The following NMNAT3 variants were observed in gnomAD, a reference collection of about 807,000 sequenced individuals.
NMNAT3 encodes nicotinamide nucleotide adenylyltransferase 3.
NMNAT3 carries 21 observed loss-of-function variants against 24.8 expected under a neutral mutation model. The ratio of observed to expected loss-of-function variants is 0.85; its 90% CI spans 0.60 to 1.22. NMNAT3 has a LOEUF of 1.22. Ranked by LOEUF, NMNAT3 falls within the 50% of genes most tolerant of loss-of-function variation. NMNAT3 has a pLI of 0.00. For synonymous variants in NMNAT3, 136 were observed against 155.2 expected, an observed-to-expected ratio of 0.88 and a Z score of 0.92; for missense variants, 387 against 436.6, an observed-to-expected ratio of 0.89 and a Z score of 1.01.
At chr3:139,594,038 A>G (rs295467) in intron 3 of NMNAT3, among the ~76,000 whole-genome samples, 10,987 of 151,070 alleles carry the variant, frequency 0.073, 452 homozygotes, top group African/African-American at 0.098. Flanking sequence ...TTTTTTGAAA[A>G]GATCAACAAA....
chr3:139,575,293 A>G (rs1939129184), intron 5 of NMNAT3, among the ~76,000 whole-genome samples: 1 of 152,082 alleles, frequency 6.6e-6, no homozygotes, highest in Non-Finnish European at 1.5e-5. Context: ...CAGTGTTTTC[A>G]TTATCGTTTT....
In NMNAT3 at chr3:139,649,762, C is replaced by G. The variant is rs115849575; in HGVS notation, c.-140-11700G>C. Among the ~76,000 whole-genome samples, 447 of 152,260 alleles carry G rather than the reference C, an allele frequency of 2.9e-3. 6 individuals are homozygous for G. The highest frequency in any genetic ancestry group is 9.4e-3 in the African/African-American group (391 of 41,540). On this transcript the variant is annotated intron_variant, in intron 1 of 6. Coordinates refer to ENST00000643695, the MANE Select transcript of NMNAT3 (RefSeq NM_001320510.2). ...AGTGCACCCCAAAACACACCCAAAC[C>G]ACGCTTCATCACATACAAAAGGAGA... is the stretch of plus-strand genomic sequence containing the variant.
chr3:139,588,683 A>G (rs1170214917), intron 3 of NMNAT3, among the ~76,000 whole-genome samples: 1 of 152,144 alleles, frequency 6.6e-6, no homozygotes, highest in African/African-American at 2.4e-5. Context: ...TTGTATGAAG[A>G]GTCCTTGGAT....
rs76977346 is a variant in NMNAT3, at chr3:139,586,662, C to T, written c.110-3454G>A. 1.8e-4 allele frequency among the ~76,000 whole-genome samples: 27 copies of T among 152,246 alleles called. No individual in the cohort carries two copies. The East Asian group carries it at 4.8e-3, about 27-fold the overall frequency. Reference sequence around the variant, plus strand: ...GAGGTAATGCTTGTGAAGGTTAAAGCTTTCATTTAAAAGAGCCAGGCTATA... The same window carrying T: ...GAGGTAATGCTTGTGAAGGTTAAAGTTTTCATTTAAAAGAGCCAGGCTATA... On this transcript the variant is annotated intron_variant, in intron 3 of 6. Coordinates refer to ENST00000643695, the MANE Select transcript of NMNAT3 (RefSeq NM_001320510.2).
intron 3 of NMNAT3, chr3:139,599,343 G>T (rs1478545499): frequency 1.4e-6 from 1 of 702,346 alleles, no homozygotes; most frequent in East Asian, 2.7e-5. Flanking sequence ...GAAGCTTGGT[G>T]TTTCTGTGGG....
Position 139,560,581 on chromosome 3 carries a change from C to A in NMNAT3, c.*429G>T. ...TTCAGTAATTAGCATCCTGTCAAAT[C>A]TTTCCAATCAAGACTAGCATGCTGC... On this transcript the variant is annotated 3_prime_UTR_variant, in exon 7 of 7. Transcript: ENST00000643695. The A allele has an allele frequency of 6.1e-6, 1 of 163,994 alleles. No homozygotes were observed. Among genetic ancestry groups the A allele is most frequent in the Non-Finnish European group, 1.3e-5 (1 of 75,292 alleles). The allele number at this position is 163,994 out of a possible 1,614,324, so 10.2% of individuals were successfully genotyped here. A position where few individuals can be genotyped will look rare whatever the true frequency, so the allele number is the denominator to read the frequency against.
chr3:139,561,127 G>A lies in NMNAT3; in HGVS notation c.924C>T (p.Ser308=), dbSNP rs371832686. ...CAGCATCGGGAATCAGGTACTTTACGCTCTGCCCTTGGCCCAAGGCTCGCC... is the reference window on the plus strand; with the variant it reads ...CAGCATCGGGAATCAGGTACTTTACACTCTGCCCTTGGCCCAAGGCTCGCC... The change falls in exon 7 of 7, where the codon AGC becomes AGT. Residue 308 remains serine, a synonymous_variant. Coordinates refer to ENST00000643695, the MANE Select transcript of NMNAT3 (RefSeq NM_001320510.2). The A allele has an allele frequency of 4.1e-5, 66 of 1,613,988 alleles. 1 individual carries two copies. The highest frequency in any genetic ancestry group is 3.6e-4 in the South Asian group (33 of 91,072).
At chr3:139,627,426 AG>A (rs2056100127) in intron 3 of NMNAT3, among the ~76,000 whole-genome samples, 189 bp downstream of exon 4, 1 of 152,288 alleles carries the variant, frequency 6.6e-6, no homozygotes, top group Admixed American at 6.5e-5. Context: ...CTCTATGGCA[AG>A]GGGTATGACT....
At chr3:139,626,356 C>G (rs561124885) in intron 3 of NMNAT3, among the ~76,000 whole-genome samples, 41 of 152,040 alleles carry the variant, frequency 2.7e-4, no homozygotes, top group African/African-American at 9.9e-4. Flanking sequence ...TTCAAGTTCA[C>G]TAATCTTTTC....
At chr3:139,592,366 G>T (rs2054236526) in intron 3 of NMNAT3, among the ~76,000 whole-genome samples, 1 of 152,164 alleles carries the variant, frequency 6.6e-6, no homozygotes, top group South Asian at 2.1e-4. Flanking sequence ...AAGTGACGGG[G>T]AGAATGGAAC....
At chr3:139,640,660 G>A (rs2056668059) in intron 1 of NMNAT3, among the ~76,000 whole-genome samples, 2 of 152,188 alleles carry the variant, frequency 1.3e-5, no homozygotes, top group South Asian at 4.1e-4. Flanking sequence ...ATCACAGTTG[G>A]GAGGTGCAGG....
intron 6 of NMNAT3, chr3:139,567,919 C>A (rs1017105931): frequency 6.6e-6 from 1 of 152,178 alleles, no homozygotes; most frequent in Admixed American, 6.5e-5. Context: ...AGGAATGGTA[C>A]CAGCTCCTCT....
chr3:139,618,001 C>T (rs1446998593), intron 3 of NMNAT3, among the ~76,000 whole-genome samples: 1 of 152,204 alleles, frequency 6.6e-6, no homozygotes, highest in East Asian at 1.9e-4. Context: ...TTTAAAACCA[C>T]CCACATCCAC....
At chr3:139,585,634 A>C (rs1298738519) in intron 3 of NMNAT3, among the ~76,000 whole-genome samples, 2 of 152,194 alleles carry the variant, frequency 1.3e-5, no homozygotes, top group Non-Finnish European at 2.9e-5. Context: ...CAGGCACCTA[A>C]AACTCATGAA....
intron 6 of NMNAT3, among the ~76,000 whole-genome samples, chr3:139,563,224 T>C (rs1425582766): frequency 6.6e-6 from 1 of 152,226 alleles, no homozygotes; most frequent in African/African-American, 2.4e-5. Flanking sequence ...ACAACACATA[T>C]GTATATTTGA....
chr3:139,664,277 C>G (rs1215897000), intron 1 of NMNAT3, among the ~76,000 whole-genome samples: 1 of 152,174 alleles, frequency 6.6e-6, no homozygotes, highest in Non-Finnish European at 1.5e-5. Flanking sequence ...GAATCACCAT[C>G]CATGGTAGGC....
intron 1 of NMNAT3, among the ~76,000 whole-genome samples, chr3:139,665,135 T>A (rs2057535778): frequency 6.6e-6 from 1 of 152,172 alleles, no homozygotes; most frequent in Non-Finnish European, 1.5e-5. Flanking sequence ...CCTGGGAGAC[T>A]CTACAGAAAC....
At chr3:139,625,606 TTATCA>T (rs1460194332) in intron 3 of NMNAT3, among the ~76,000 whole-genome samples, 1 of 152,182 alleles carries the variant, frequency 6.6e-6, no homozygotes, top group African/African-American at 2.4e-5. Context: ...TATTCTAGTG[TTATCA>T]TATATTTTAC....
At position 139,561,310 on chromosome 3, in the gene NMNAT3, GATGTGCGC is replaced by G. The variant is rs779369937; in HGVS notation, c.733_740del (p.Ala245ProfsTer46). 1 of 1,614,024 alleles carries G rather than the reference GATGTGCGC, an allele frequency of 6.2e-7. No homozygotes were observed. Among genetic ancestry groups the G allele is most frequent in the East Asian group, 2.2e-5 (1 of 44,882 alleles). On this transcript the variant is annotated frameshift_variant, in exon 7 of 7. Transcript: ENST00000643695. LOFTEE classifies it low-confidence loss of function (END_TRUNC). ...AGCCAAACTTCTCCACTATTTCCTGGATGTGCGCATCCTTCCAGAGGTTGGGGGTCTGG... is the reference window on the plus strand; with the variant it reads ...AGCCAAACTTCTCCACTATTTCCTGGATCCTTCCAGAGGTTGGGGGTCTGG...
Sources: allele counts gnomAD v4.1 joint callset (sites outside exome capture counted in the v4.1 genomes callset), GRCh38; gene constraint gnomAD v4.1.1; transcripts MANE v1.5; gene names NCBI Gene and HGNC (gene_info 2026-07-23, HGNC 2026-07-21).